PPP1R9A: variants seen among roughly 807,000 people sequenced by gnomAD.
PPP1R9A encodes neurabin-1.
A neutral mutation model predicts 141.9 loss-of-function variants in PPP1R9A; 59 were observed. That is an observed-to-expected ratio of 0.42 (90% CI 0.34 to 0.52). The LOEUF is 0.52. Among genes scored for constraint, PPP1R9A ranks in the 20% least tolerant of loss-of-function variants. PPP1R9A has a pLI of 0.10. For missense variants in PPP1R9A, 1,444 were observed against 1,611.9 expected, an observed-to-expected ratio of 0.90 and a Z score of 1.78; for synonymous variants, 500 against 569.7, an observed-to-expected ratio of 0.88 and a Z score of 1.74.
chr7:95,250,513 A>G (rs2272364), intron 10 of PPP1R9A, among the ~76,000 whole-genome samples: 58,311 of 152,010 alleles, frequency 0.38, 11,870 homozygotes, highest in South Asian at 0.49. Flanking sequence ...ATCGTTGTTT[A>G]TAACTGTTAA....
At chr7:95,229,636 G>A (rs1449010080) in intron 8 of PPP1R9A, among the ~76,000 whole-genome samples, 1 of 152,058 alleles carries the variant, frequency 6.6e-6, no homozygotes, top group Non-Finnish European at 1.5e-5. Flanking sequence ...GAGAGACTGA[G>A]CTAAGACACT....
At chr7:95,288,295 A>G (rs957682251) in intron 18 of PPP1R9A, among the ~76,000 whole-genome samples, 2 of 152,206 alleles carry the variant, frequency 1.3e-5, no homozygotes, top group African/African-American at 4.8e-5. Flanking sequence ...ATTTTCTTCA[A>G]TATTAAACTT....
chr7:95,046,268 A>G (rs1385747768), intron 2 of PPP1R9A, among the ~76,000 whole-genome samples: 1 of 151,936 alleles, frequency 6.6e-6, no homozygotes, highest in Admixed American at 6.6e-5. Flanking sequence ...TTTAGTACAG[A>G]TGGGGTTTCA....
chr7:95,069,883 T>C (rs1481673635), intron 2 of PPP1R9A, among the ~76,000 whole-genome samples: 1 of 152,178 alleles, frequency 6.6e-6, no homozygotes, highest in African/African-American at 2.4e-5. Flanking sequence ...GCTTACTGTA[T>C]GTCCTTTAGC....
At chr7:95,078,584 T>A (rs1237263857) in intron 2 of PPP1R9A, among the ~76,000 whole-genome samples, 1 of 152,220 alleles carries the variant, frequency 6.6e-6, no homozygotes, top group Non-Finnish European at 1.5e-5. Flanking sequence ...TGAACTAGTT[T>A]ACAGTCCCAA....
intron 1 of PPP1R9A, chr7:94,908,639 TCCC>T (rs1791080977): frequency 6.6e-6 from 1 of 151,940 alleles, no homozygotes; most frequent in South Asian, 2.1e-4. Flanking sequence ...AGGTTTTGAA[TCCC>T]CCGGCGGCCC....
At chr7:95,224,060 G>A (rs1485453376) in intron 7 of PPP1R9A, among the ~76,000 whole-genome samples, 1 of 151,838 alleles carries the variant, frequency 6.6e-6, no homozygotes, top group Non-Finnish European at 1.5e-5. Flanking sequence ...GGATCTCATT[G>A]TGCTAATAAA....
chr7:95,090,000 A>T (rs1406015505), intron 2 of PPP1R9A, among the ~76,000 whole-genome samples: 2 of 151,966 alleles, frequency 1.3e-5, no homozygotes, highest in Non-Finnish European at 2.9e-5. Flanking sequence ...GTCTGAAAGA[A>T]GATAAAGTAC....
chr7:95,149,461 C>CTATG (rs1828247313), intron 4 of PPP1R9A, among the ~76,000 whole-genome samples: 1 of 151,968 alleles, frequency 6.6e-6, no homozygotes, highest in African/African-American at 2.4e-5. Flanking sequence ...ACATCCTTGT[C>CTATG]TATGTATAAC....
intron 2 of PPP1R9A, among the ~76,000 whole-genome samples, chr7:94,987,964 G>A (rs1364191417): frequency 2.0e-5 from 3 of 151,918 alleles, no homozygotes; most frequent in African/African-American, 7.3e-5. Flanking sequence ...CTAACTTAAA[G>A]GTGATAAAAC....
intron 2 of PPP1R9A, among the ~76,000 whole-genome samples, chr7:95,101,054 G>A (rs1367980010): frequency 1.3e-5 from 2 of 151,186 alleles, no homozygotes; most frequent in East Asian, 2.0e-4. Flanking sequence ...GGGTTTCACC[G>A]TGTTAGCCAG....
chr7:94,944,107 G>T (rs568646373), intron 2 of PPP1R9A, among the ~76,000 whole-genome samples: 1 of 152,074 alleles, frequency 6.6e-6, no homozygotes, highest in East Asian at 1.9e-4. Context: ...ATCAAATCAG[G>T]GTAACTGAGA....
At chr7:95,263,428 C>T (rs66974029) in intron 12 of PPP1R9A, among the ~76,000 whole-genome samples, 1,098 of 43,822 alleles carry the variant, frequency 0.025, 29 homozygotes, top group Admixed American at 0.13. Context: ...GTTGTTGTTG[C>T]TGTTGTTGTT....
At chr7:95,103,253 T>A (rs774535022) in intron 2 of PPP1R9A, among the ~76,000 whole-genome samples, 1 of 151,716 alleles carries the variant, frequency 6.6e-6, no homozygotes, top group Non-Finnish European at 1.5e-5. Context: ...AGATATTAAT[T>A]CTATTTTTCT....
chr7:95,135,823 T>C (rs945638702), intron 4 of PPP1R9A, among the ~76,000 whole-genome samples: 1 of 151,572 alleles, frequency 6.6e-6, no homozygotes, highest in African/African-American at 2.4e-5. Flanking sequence ...GTGATTATCT[T>C]TCTGTTTGAG....
intron 3 of PPP1R9A, 70 bp downstream of exon 3, chr7:95,111,461 T>C: frequency 3.5e-6 from 5 of 1,409,544 alleles, no homozygotes; most frequent in Non-Finnish European, 3.8e-6. Flanking sequence ...TTTTCCAAAA[T>C]GTAGCCTTTT....
chr7:95,055,801 A>G (rs763641277), intron 2 of PPP1R9A, among the ~76,000 whole-genome samples: 4 of 152,100 alleles, frequency 2.6e-5, no homozygotes, highest in Non-Finnish European at 5.9e-5. Flanking sequence ...TCCTGACAAT[A>G]CACTCTAAGT....
chr7:95,233,318 A>G (rs534637772), intron 8 of PPP1R9A, among the ~76,000 whole-genome samples: 2 of 151,250 alleles, frequency 1.3e-5, no homozygotes, highest in Non-Finnish European at 2.9e-5. Context: ...GAGTTGAACA[A>G]TGAGAAGATA....
chr7:95,198,562 A>C, intron 6 of PPP1R9A, 78 bp downstream of exon 6: 4 of 1,413,856 alleles, frequency 2.8e-6, no homozygotes, highest in Non-Finnish European at 3.7e-6. Context: ...ACAGTATGAC[A>C]GGTTTTATGC....
Sources: allele counts gnomAD v4.1 joint callset (sites outside exome capture counted in the v4.1 genomes callset), GRCh38; gene constraint gnomAD v4.1.1; transcripts MANE v1.5; gene names NCBI Gene and HGNC (gene_info 2026-07-23, HGNC 2026-07-21).